Variants in PRTG observed in about 807,000 individuals in gnomAD.
PRTG encodes the protein protogenin, also known as immunoglobulin superfamily, DCC subclass, member 5.
In PRTG, 67 loss-of-function variants were observed where a neutral mutation model predicts 122.5. The ratio of observed to expected loss-of-function variants is 0.55; its 90% CI spans 0.45 to 0.67. PRTG has a LOEUF of 0.67. Among genes scored for constraint, PRTG ranks in the 30% least tolerant of loss-of-function variants. The pLI, the probability that PRTG is intolerant of heterozygous loss-of-function variation, is 0.00. For synonymous variants in PRTG, 554 were observed against 501.1 expected (o/e 1.11, Z -1.41); for missense variants, 1,435 against 1,415.4 (o/e 1.01, Z -0.22).
At chr15:55,641,387 ACTAT>A (rs2059289617) in intron 11 of PRTG, among the ~76,000 whole-genome samples, 179 bp from the exon 12 acceptor site, 1 of 152,206 alleles carries the variant, frequency 6.6e-6, no homozygotes, top group African/African-American at 2.4e-5. Context: ...TGCTATTGTG[ACTAT>A]CTACCAATAA....
intron 2 of PRTG, among the ~76,000 whole-genome samples, chr15:55,738,023 TATACAC>T (rs1395872233): frequency 8.4e-4 from 81 of 96,186 alleles, no homozygotes; most frequent in South Asian, 1.4e-3. Context: ...TATATATATA[TATACAC>T]ACACACACAC....
chr15:55,733,322 C>G (rs1319120658), intron 2 of PRTG, among the ~76,000 whole-genome samples: 8 of 151,688 alleles, frequency 5.3e-5, no homozygotes, highest in Non-Finnish European at 4.4e-5. Flanking sequence ...ACCAGCCTGA[C>G]CAACGTGGAG....
At chr15:55,742,084 T>G (rs548469548) in intron 1 of PRTG, 1 of 152,364 alleles carries the variant, frequency 6.6e-6, no homozygotes, top group African/African-American at 2.4e-5. Flanking sequence ...AATCTAGAAT[T>G]TGGAAGAATC....
intron 2 of PRTG, among the ~76,000 whole-genome samples, chr15:55,689,482 A>G (rs1044325206): frequency 7.9e-5 from 12 of 152,280 alleles, no homozygotes; most frequent in Non-Finnish European, 1.3e-4. Flanking sequence ...CAAAAAAAAG[A>G]AAAAGGGGAG....
At chr15:55,621,071 C>T (rs762552672) in intron 18 of PRTG, among the ~76,000 whole-genome samples, 3 of 152,018 alleles carry the variant, frequency 2.0e-5, no homozygotes, top group Non-Finnish European at 2.9e-5. Flanking sequence ...ACAGGCAGTA[C>T]GGCTGGGCAC....
intron 8 of PRTG, among the ~76,000 whole-genome samples, chr15:55,676,389 G>A (rs971208952): frequency 2.6e-5 from 4 of 152,070 alleles, no homozygotes; most frequent in African/African-American, 4.8e-5. Context: ...CCTGTAAAGT[G>A]GAACAAGAGC....
At chr15:55,620,640 T>C in intron 19 of PRTG, 23 bp downstream of exon 19, 1 of 1,563,394 alleles carries the variant, frequency 6.4e-7, no homozygotes, top group Middle Eastern at 1.8e-4. Flanking sequence ...TTGCCAAAAA[T>C]TTTTCTCATT....
intron 15 of PRTG, among the ~76,000 whole-genome samples, chr15:55,635,050 G>A (rs1184923961): frequency 7.8e-6 from 1 of 128,864 alleles, no homozygotes; most frequent in Admixed American, 8.2e-5. Context: ...TTCCTGACTG[G>A]GGAGCCCTCT....
chr15:55,728,016 C>A (rs1190908727), intron 2 of PRTG, among the ~76,000 whole-genome samples: 4 of 152,004 alleles, frequency 2.6e-5, no homozygotes, highest in African/African-American at 9.7e-5. Flanking sequence ...AGGTGTGTCC[C>A]ACCATGCCCA....
intron 11 of PRTG, among the ~76,000 whole-genome samples, chr15:55,646,614 A>G (rs997845936): frequency 1.3e-5 from 2 of 152,182 alleles, no homozygotes; most frequent in East Asian, 1.9e-4. Context: ...GAGCCACTGC[A>G]CCCGGCTGTC....
At chr15:55,621,116 G>A (rs1054903171) in intron 18 of PRTG, among the ~76,000 whole-genome samples, 2 of 152,194 alleles carry the variant, frequency 1.3e-5, no homozygotes, top group African/African-American at 4.8e-5. Context: ...CACTTTGGGA[G>A]GGCAAGGTGG....
At chr15:55,697,105 C>T (rs2059636128) in intron 2 of PRTG, among the ~76,000 whole-genome samples, 1 of 152,168 alleles carries the variant, frequency 6.6e-6, no homozygotes, top group Non-Finnish European at 1.5e-5. Flanking sequence ...TGGGACTCCC[C>T]ATGTTCAATT....
intron 1 of PRTG, 116 bp downstream of exon 1, chr15:55,742,722 A>T: frequency 7.8e-7 from 1 of 1,284,148 alleles, no homozygotes; most frequent in Non-Finnish European, 1.1e-6. Flanking sequence ...GGTCAGCGCC[A>T]CCACGGAGGA....
Position 55,627,085 on chromosome 15 carries a change from G to A in PRTG, c.2850C>T (p.Gly950=). ...YYHLDQKSMT[G]IAVGVGIALT... ...AGGCTATGCCAACACCTACAGCAATGCCAGTCATTGATTTTTGGTCCAGAT... is the reference window on the plus strand; with the variant it reads ...AGGCTATGCCAACACCTACAGCAATACCAGTCATTGATTTTTGGTCCAGAT... Residue 950 remains glycine (G), a synonymous_variant, in exon 17 of 20, where the codon GGC becomes GGT. Transcript: ENST00000389286. 1.2e-6 allele frequency: 2 copies of A among 1,608,482 alleles called. No individual in the cohort carries two copies. The highest frequency in any genetic ancestry group is 2.2e-5 in the East Asian group (1 of 44,682).
intron 1 of PRTG, 157 bp downstream of exon 1, chr15:55,742,681 G>A (rs2031651283): frequency 1.1e-6 from 1 of 886,908 alleles, no homozygotes. Context: ...GGCGGTTCCG[G>A]ACAGGCCGCA....
intron 2 of PRTG, among the ~76,000 whole-genome samples, chr15:55,720,084 AG>A (rs771835548): frequency 4.2e-4 from 64 of 151,276 alleles, no homozygotes; most frequent in Non-Finnish European, 7.7e-4. Flanking sequence ...AGAAAAGAAA[AG>A]AAAAAACTGT....
chr15:55,731,488 A>T (rs2031232007), intron 2 of PRTG, among the ~76,000 whole-genome samples: 1 of 148,114 alleles, frequency 6.8e-6, no homozygotes, highest in Non-Finnish European at 1.5e-5. Flanking sequence ...CTCCTGCCTC[A>T]GCCTCCCGAG....
intron 2 of PRTG, chr15:55,738,736 A>T: frequency 4.5e-6 from 1 of 222,542 alleles, no homozygotes; most frequent in Non-Finnish European, 8.8e-6. Flanking sequence ...GAAGGAAGGC[A>T]TGCAGGCAGG....
intron 2 of PRTG, among the ~76,000 whole-genome samples, chr15:55,693,825 G>T (rs1040013922): frequency 1.3e-5 from 2 of 152,102 alleles, no homozygotes; most frequent in Non-Finnish European, 2.9e-5. Context: ...TGCAGGCTCG[G>T]GAATAGTGAT....
Sources: gnomAD v4.1 joint callset for allele counts (sites outside exome capture counted in the v4.1 genomes callset) on GRCh38, gnomAD v4.1.1 for gene constraint, MANE v1.5 for transcripts, NCBI Gene and HGNC (gene_info 2026-07-23, HGNC 2026-07-21) for gene names.